MAGI1: variants seen among roughly 807,000 people sequenced by gnomAD.
MAGI1 encodes membrane-associated guanylate kinase, WW and PDZ domain-containing protein 1.
In MAGI1, 58 loss-of-function variants were observed where a neutral mutation model predicts 139.9. The ratio of observed to expected loss-of-function variants is 0.41; its 90% CI spans 0.34 to 0.52. The LOEUF is 0.52. MAGI1 is among the 20% of genes least tolerant of loss of function. MAGI1 has a pLI of 0.12. For missense variants in MAGI1, 1,874 were observed against 1,901.6 expected (o/e 0.99, Z 0.27); for synonymous variants, 812 against 737.9 (o/e 1.10, Z -1.63).
intron 1 of MAGI1, among the ~76,000 whole-genome samples, chr3:65,738,640 T>C (rs62243984): frequency 0.096 from 14,632 of 152,270 alleles, 816 homozygotes; most frequent in South Asian, 0.19. Context: ...CCTTGATCCA[T>C]GGGCTGCAGA....
intron 1 of MAGI1, among the ~76,000 whole-genome samples, chr3:65,905,939 G>A (rs2061417727): frequency 6.6e-6 from 1 of 152,172 alleles, no homozygotes; most frequent in Admixed American, 6.5e-5. Flanking sequence ...AGTTCTCCAA[G>A]TGTTTTTAAA....
At chr3:65,812,541 T>C (rs1029412199) in intron 1 of MAGI1, among the ~76,000 whole-genome samples, 2 of 151,184 alleles carry the variant, frequency 1.3e-5, no homozygotes, top group African/African-American at 4.9e-5. Flanking sequence ...AAGTATCTTA[T>C]GGTTTCAAGT....
chr3:65,478,849 T>G, intron 3 of MAGI1, 51 bp from the exon 4 acceptor site: 1 of 1,442,966 alleles, frequency 6.9e-7, no homozygotes, highest in Non-Finnish European at 9.7e-7. Context: ...TACTTTGTGT[T>G]TTTTTTTAAG....
intron 1 of MAGI1, among the ~76,000 whole-genome samples, chr3:66,002,009 C>T (rs2066766340): frequency 6.6e-6 from 1 of 152,106 alleles, no homozygotes; most frequent in African/African-American, 2.4e-5. Flanking sequence ...TCTTATAAGC[C>T]CCAGTGTGCT....
chr3:65,764,158 T>C (rs1005808461), intron 1 of MAGI1, among the ~76,000 whole-genome samples: 3 of 152,018 alleles, frequency 2.0e-5, no homozygotes, highest in African/African-American at 4.8e-5. Flanking sequence ...GTCTTCCGTT[T>C]CCTTTTATGA....
At chr3:65,655,785 C>T (rs564404176) in intron 1 of MAGI1, among the ~76,000 whole-genome samples, 1 of 152,316 alleles carries the variant, frequency 6.6e-6, no homozygotes, top group South Asian at 2.1e-4. Context: ...TTGAATGCAA[C>T]TGAATTCCAG....
intron 1 of MAGI1, among the ~76,000 whole-genome samples, chr3:65,996,409 A>T (rs993909231): frequency 1.3e-5 from 2 of 152,106 alleles, no homozygotes; most frequent in African/African-American, 4.8e-5. Context: ...ACCCCATTCA[A>T]TCCTAACTAA....
intron 1 of MAGI1, among the ~76,000 whole-genome samples, chr3:65,851,210 A>C (rs1012391398): frequency 9.2e-5 from 14 of 152,200 alleles, no homozygotes; most frequent in African/African-American, 3.1e-4. Flanking sequence ...ATGAGTAATT[A>C]AATCTCTCAG....
intron 1 of MAGI1, among the ~76,000 whole-genome samples, chr3:65,875,551 G>A (rs1011960196): frequency 6.6e-6 from 1 of 152,122 alleles, no homozygotes; most frequent in African/African-American, 2.4e-5. Context: ...CAATGTCAGA[G>A]GTGCACAGAT....
At chr3:65,840,490 A>T (rs1041050095) in intron 1 of MAGI1, among the ~76,000 whole-genome samples, 1 of 152,208 alleles carries the variant, frequency 6.6e-6, no homozygotes, top group African/African-American at 2.4e-5. Flanking sequence ...CATTTTATCA[A>T]ATAATTTTTC....
At position 65,493,373 on chromosome 3, in the gene MAGI1, C is replaced by T. The variant is rs535209612; in HGVS notation, c.550+139G>A. The T allele has an allele frequency of 9.2e-5, 83 of 898,560 alleles. 1 individual carries two copies. The South Asian group carries it at 1.1e-3, about 12-fold the overall frequency. The allele number at this position is 898,560 out of a possible 1,614,324, so 55.7% of individuals were successfully genotyped here. A position where few individuals can be genotyped will look rare whatever the true frequency, so the allele number is the denominator to read the frequency against. ...TATTCCATAGACTTTGTCTATTATT[C>T]GTCATATTAAGGTGAACTGAAATCT... On this transcript the variant is annotated intron_variant, in intron 3 of 22. Coordinates refer to ENST00000402939, the MANE Select transcript of MAGI1 (RefSeq NM_001033057.2).
At chr3:65,944,984 A>G (rs772884340) in intron 1 of MAGI1, among the ~76,000 whole-genome samples, 4 of 152,220 alleles carry the variant, frequency 2.6e-5, no homozygotes, top group Non-Finnish European at 2.9e-5. Context: ...ATGGGGCATG[A>G]AATAGAGGAC....
intron 2 of MAGI1, among the ~76,000 whole-genome samples, chr3:65,615,924 C>A (rs1487487173): frequency 6.6e-6 from 1 of 152,158 alleles, no homozygotes; most frequent in African/African-American, 2.4e-5. Context: ...TTGACATGGG[C>A]AATCTTGTGT....
At chr3:65,986,082 T>C (rs1333321921) in intron 1 of MAGI1, among the ~76,000 whole-genome samples, 1 of 152,168 alleles carries the variant, frequency 6.6e-6, no homozygotes, top group Non-Finnish European at 1.5e-5. Context: ...GGGCCAGATG[T>C]TTGTGGTCAT....
At chr3:65,857,126 T>C (rs1454514267) in intron 1 of MAGI1, among the ~76,000 whole-genome samples, 1 of 152,172 alleles carries the variant, frequency 6.6e-6, no homozygotes, top group Non-Finnish European at 1.5e-5. Context: ...TCTTTCTCAA[T>C]AGCAGTTGGC....
At chr3:65,605,574 A>G (rs988069461) in intron 2 of MAGI1, among the ~76,000 whole-genome samples, 1 of 152,146 alleles carries the variant, frequency 6.6e-6, no homozygotes, top group African/African-American at 2.4e-5. Context: ...ATAAAAGAAA[A>G]ACCAGCCCTT....
At chr3:65,543,173 T>C (rs752673390) in intron 2 of MAGI1, among the ~76,000 whole-genome samples, 1 of 152,124 alleles carries the variant, frequency 6.6e-6, no homozygotes, top group East Asian at 1.9e-4. Flanking sequence ...CACTGGACAT[T>C]AGAGAAATGC....
intron 1 of MAGI1, among the ~76,000 whole-genome samples, chr3:66,031,051 G>A (rs1576524321): frequency 2.6e-5 from 4 of 152,268 alleles, no homozygotes; most frequent in Middle Eastern, 6.8e-3. Context: ...CATCGATGCC[G>A]ACCTCCATAG....
chr3:65,783,478 T>C (rs1350785849), intron 1 of MAGI1, among the ~76,000 whole-genome samples: 2 of 148,612 alleles, frequency 1.3e-5, no homozygotes, highest in Non-Finnish European at 3.0e-5. Flanking sequence ...TGAGACTCTG[T>C]CTCCAGAAAG....
Sources: gnomAD v4.1 joint callset for allele counts (sites outside exome capture counted in the v4.1 genomes callset) on GRCh38, gnomAD v4.1.1 for gene constraint, MANE v1.5 for transcripts, NCBI Gene and HGNC (gene_info 2026-07-23, HGNC 2026-07-21) for gene names.